The following PCSK7 variants were observed in gnomAD, a reference collection of about 807,000 sequenced individuals.
PCSK7 encodes lymphoma proprotein convertase.
Under a neutral mutation model 73.3 loss-of-function variants are expected in PCSK7, and 38 were observed. The observed-to-expected ratio is 0.52, with a 90% CI of 0.40 to 0.68. The LOEUF (loss-of-function observed/expected upper bound fraction) is 0.68. Among genes scored for constraint, PCSK7 ranks in the 30% least tolerant of loss-of-function variants. The pLI is 0.00. For synonymous variants in PCSK7, 296 were observed against 383.8 expected, an observed-to-expected ratio of 0.77 and a Z score of 2.68; for missense variants, 692 against 991.5, an observed-to-expected ratio of 0.70 and a Z score of 4.06.
intron 9 of PCSK7, chr11:117,222,388 G>A (rs908496980): frequency 6.6e-6 from 1 of 152,162 alleles, no homozygotes; most frequent in African/African-American, 2.4e-5. Context: ...GCTCTCTCTG[G>A]TGTTGACATG....
chr11:117,216,758 T>G (rs939799420), intron 12 of PCSK7: 1 of 152,136 alleles, frequency 6.6e-6, no homozygotes, highest in African/African-American at 2.4e-5. Flanking sequence ...ACTTATTTCT[T>G]TCAACCTCCA....
At chr11:117,226,126 T>A in intron 5 of PCSK7, 105 bp from the exon 6 acceptor site, 1 of 697,302 alleles carries the variant, frequency 1.4e-6, no homozygotes, top group Admixed American at 2.4e-5. Context: ...CCCTACATGC[T>A]CTTTGTACAT....
intron 10 of PCSK7, 176 bp from the exon 11 acceptor site, chr11:117,219,340 C>T (rs2134311984): frequency 1.6e-6 from 1 of 635,304 alleles, no homozygotes; most frequent in South Asian, 1.9e-5. Flanking sequence ...CATGATGTCA[C>T]CACCCCACTG....
chr11:117,222,077 T>C (rs2032221487), intron 9 of PCSK7: 1 of 152,228 alleles, frequency 6.6e-6, no homozygotes, highest in Non-Finnish European at 1.5e-5. Context: ...TAATTCCCAA[T>C]GGCCCCAGAG....
chr11:117,219,643 G>T lies in PCSK7; in HGVS notation c.1271C>A (p.Pro424His). 1.2e-6 allele frequency: 2 copies of T among 1,612,516 alleles called. No individual in the cohort carries two copies. Among genetic ancestry groups the T allele is most frequent in the South Asian group, 2.2e-5 (2 of 90,870 alleles). The change falls in exon 10 of 17, where the codon CCC (proline) becomes CAC (histidine). Residue 424 changes from proline to histidine, a missense_variant. This residue lies in a region of PCSK7 where 574 missense variants were observed against 689.8 expected (regional missense o/e 0.83). Transcript: ENST00000320934. ...GMIALMLQVR[P>H]CLTWRDVQHI... Reference sequence around the variant, plus strand: ...CTGGACGTCACGCCACGTGAGGCAGGGCCGCACCTGCAGCATTAAGGCTAT... The same window carrying T: ...CTGGACGTCACGCCACGTGAGGCAGTGCCGCACCTGCAGCATTAAGGCTAT...
Position 117,226,297 on chromosome 11 carries a change from G to A in PCSK7, c.770-276C>T, listed in dbSNP as rs146986979. 329 of 413,178 alleles carry A rather than the reference G, an allele frequency of 8.0e-4. 1 individual carries two copies. The highest frequency in any genetic ancestry group is 5.7e-3 in the African/African-American group (282 of 49,772). 25.6% of individuals were successfully genotyped at this position (413,178 alleles called of 1,614,324 possible). On this transcript the variant is annotated intron_variant, in intron 5 of 16. Coordinates refer to ENST00000320934, the MANE Select transcript of PCSK7 (RefSeq NM_004716.4). ...ACTACAGGCGCATGCCACCACACCC[G>A]GCTAATTTTTGTATTTTTAGTAGAG...
At position 117,229,537 on chromosome 11, in the gene PCSK7, C is replaced by G; in HGVS notation, c.308G>C (p.Gly103Ala). Residue 103 changes from glycine to alanine, a missense_variant, in exon 3 of 17, where the codon GGG becomes GCG. Physicochemically the swap from Gly to Ala is moderately conservative, Grantham distance 60 (BLOSUM62 0). Around this residue, in one of 6 missense-constraint regions of PCSK7, gnomAD observed 574 missense variants for 689.8 expected, o/e 0.83. Coordinates refer to ENST00000320934, the MANE Select transcript of PCSK7 (RefSeq NM_004716.4). ...QGHYLFVQPA[G>A]HRPALEVEAI... ...CTCCACCTCCAGGGCCGGCCTGTGC[C>G]CAGCAGGCTGGACAAAGAGGTAGTG... 6.2e-7 allele frequency: 1 copy of G among 1,613,472 alleles called. No homozygotes were observed.
rs553993046 is a variant in PCSK7, at chr11:117,226,890, A to G, written c.769+267T>C. ...ATGCAAAGGCTGCCACCATAGACGT[A>G]TCGGATCATAGAGGAAAAACCGACA... On this transcript the variant is annotated intron_variant, in intron 5 of 16. Transcript: ENST00000320934. The G allele has an allele frequency of 6.5e-5, 25 of 387,492 alleles. No individual in the cohort carries two copies. In the Admixed American group the frequency reaches 9.7e-4, roughly 15 times the overall value. The allele number at this position is 387,492 out of a possible 1,614,324, so 24.0% of individuals were successfully genotyped here. A position where few individuals can be genotyped will look rare whatever the true frequency, so the allele number is the denominator to read the frequency against.
At chr11:117,224,465 G>A (rs552984510) in intron 7 of PCSK7, among the ~76,000 whole-genome samples, 1 of 152,284 alleles carries the variant, frequency 6.6e-6, no homozygotes, top group South Asian at 2.1e-4. Context: ...ACAGGGTGGG[G>A]CCAGGCATGG....
At chr11:117,228,473 A>C in intron 3 of PCSK7, 123 bp from the exon 4 acceptor site, 1 of 776,342 alleles carries the variant, frequency 1.3e-6, no homozygotes, top group Non-Finnish European at 2.2e-6. Flanking sequence ...ATTGCAGACC[A>C]ATAGGTCAGG....
chr11:117,229,660 T>C lies in PCSK7; in HGVS notation c.185A>G (p.Glu62Gly). Residue 62 changes from glutamate to glycine, a missense_variant, in exon 3 of 17, where the codon GAA (glutamate) becomes GGA (glycine). Physicochemically the swap from Glu to Gly is moderately conservative, Grantham distance 98. Transcript: ENST00000320934. ...CAGAGTCTCTTCCTCCCCGTCACCT[T>C]CCAGGCTTTCCAGGTGCACAGCCCA... ...PSWAVHLESL[E>G]GDGEEETLEQ... is the part of the protein sequence containing the mutation. 1 of 1,613,818 alleles carries C rather than the reference T, an allele frequency of 6.2e-7. No homozygotes were observed. The highest frequency in any genetic ancestry group is 8.5e-7 in the Non-Finnish European group (1 of 1,179,730).
At chr11:117,224,444 C>T (rs2032331194) in intron 7 of PCSK7, among the ~76,000 whole-genome samples, 1 of 152,134 alleles carries the variant, frequency 6.6e-6, no homozygotes, top group South Asian at 2.1e-4. Context: ...ACACCCTCTG[C>T]TTATCAGAGG....
intron 7 of PCSK7, among the ~76,000 whole-genome samples, 164 bp from the exon 8 acceptor site, chr11:117,224,380 G>A (rs1343814177): frequency 6.6e-6 from 1 of 152,194 alleles, no homozygotes; most frequent in African/African-American, 2.4e-5. Context: ...ATGTGAGGGA[G>A]CTGTGAGTTG....
intron 12 of PCSK7, chr11:117,210,765 T>G (rs137895120): frequency 1.3e-5 from 2 of 152,118 alleles, no homozygotes. Flanking sequence ...GGAGACATCA[T>G]CTTTACAAAA....
At chr11:117,227,594 C>T (rs1045315499) in intron 4 of PCSK7, among the ~76,000 whole-genome samples, 1 of 152,184 alleles carries the variant, frequency 6.6e-6, no homozygotes, top group Non-Finnish European at 1.5e-5. Context: ...AGGTGAGCGC[C>T]ACCACACTTG....
chr11:117,219,278 TG>T, intron 10 of PCSK7, 114 bp from the exon 11 acceptor site: 1 of 757,850 alleles, frequency 1.3e-6, no homozygotes. Context: ...TCTCCCACTA[TG>T]GCTACTGGGA....
chr11:117,229,696 C>A lies in PCSK7; in HGVS notation c.149G>T (p.Gly50Val), dbSNP rs572810970. Residue 50 changes from glycine to valine, a missense_variant, in exon 3 of 17, where the codon GGG (glycine) becomes GTG (valine). Gly to Val is a moderately radical substitution (Grantham distance 109). Coordinates refer to ENST00000320934, the MANE Select transcript of PCSK7 (RefSeq NM_004716.4). ...GTGGPDGQGTGGPSWAVHLES... is the reference protein window; with the variant it reads ...GTGGPDGQGTVGPSWAVHLES... ...CAGGTGCACAGCCCAGCTCGGCCCC[C>A]CTGTGCCCTGGCCATCAGGCCCACC... is the stretch of plus-strand genomic sequence containing the variant. 6.2e-7 allele frequency: 1 copy of A among 1,613,898 alleles called. No individual in the cohort carries two copies. Among genetic ancestry groups the A allele is most frequent in the Non-Finnish European group, 8.5e-7 (1 of 1,179,806 alleles).
At chr11:117,229,285 A>T in intron 3 of PCSK7, 92 bp downstream of exon 3, 1 of 940,668 alleles carries the variant, frequency 1.1e-6, no homozygotes, top group Non-Finnish European at 1.6e-6. Context: ...CAAAGGATGG[A>T]GGTGACTGAA....
Position 117,205,028 on chromosome 11 carries a change from G to A in PCSK7, c.*969C>T, listed in dbSNP as rs2031287663. ...AAGGAGCCACTCAGCAGCATGCAGT[G>A]GCTTTGGGGAGACAGAGGAAAGGAG... On this transcript the variant is annotated 3_prime_UTR_variant, in exon 17 of 17. Coordinates refer to ENST00000320934, the MANE Select transcript of PCSK7 (RefSeq NM_004716.4). The A allele has an allele frequency of 9.7e-6, 2 of 206,168 alleles. No homozygotes were observed. The highest frequency in any genetic ancestry group is 4.6e-5 in the African/African-American group (2 of 43,778). The allele number at this position is 206,168 out of a possible 1,614,324, so 12.8% of individuals were successfully genotyped here.
Sources: gnomAD v4.1 joint callset for allele counts (sites outside exome capture counted in the v4.1 genomes callset) on GRCh38, gnomAD v4.1.1 for gene constraint, gnomAD v4.1.1 regional missense constraint, MANE v1.5 for transcripts, NCBI Gene and HGNC (gene_info 2026-07-23, HGNC 2026-07-21) for gene names.